The following OTUD7A variants were observed in gnomAD, a reference collection of about 807,000 sequenced individuals.
The protein encoded by OTUD7A is OTU domain-containing protein 7A.
In OTUD7A, 12 loss-of-function variants were observed where a neutral mutation model predicts 65.7. That is an observed-to-expected ratio of 0.18 (90% CI 0.12 to 0.30). The LOEUF (loss-of-function observed/expected upper bound fraction) is 0.30. Ranked by LOEUF, OTUD7A falls within the 10% of genes least tolerant of loss-of-function variation. The probability of loss-of-function intolerance (pLI) is 1.00; values close to 1 mark genes in which losing one functional copy is unlikely to be tolerated. For missense variants in OTUD7A, 1,148 were observed against 1,304.8 expected, an observed-to-expected ratio of 0.88 and a Z score of 1.85; for synonymous variants, 641 against 586.3, an observed-to-expected ratio of 1.09 and a Z score of -1.35.
intron 1 of OTUD7A, chr15:31,768,095 T>C (rs1186604106): frequency 1.3e-6 from 2 of 1,597,872 alleles, no homozygotes; most frequent in African/African-American, 2.7e-5. Context: ...TTTTTTAAAG[T>C]GTTGTCTGTG....
chr15:31,551,807 C>T (rs1344875040), intron 5 of OTUD7A, among the ~76,000 whole-genome samples: 6 of 151,668 alleles, frequency 4.0e-5, no homozygotes, highest in Non-Finnish European at 5.9e-5. Context: ...GTGCTTTGCA[C>T]GTGCTTCTGT....
intron 1 of OTUD7A, among the ~76,000 whole-genome samples, chr15:31,801,560 G>A (rs549962891): frequency 9.8e-5 from 15 of 152,334 alleles, no homozygotes; most frequent in African/African-American, 3.6e-4. Context: ...CATTTTTGGT[G>A]CAATAATAAC....
intron 3 of OTUD7A, among the ~76,000 whole-genome samples, chr15:31,586,038 A>G (rs1189575801): frequency 6.6e-5 from 10 of 152,248 alleles, no homozygotes; most frequent in Admixed American, 5.2e-4. Context: ...ATGGTCCCTC[A>G]GCAGGAATTC....
At chr15:31,528,157 T>C (rs141151594) in intron 6 of OTUD7A, among the ~76,000 whole-genome samples, 2 of 152,174 alleles carry the variant, frequency 1.3e-5, no homozygotes, top group Non-Finnish European at 2.9e-5. Context: ...AAGTGGGAAG[T>C]GAGGATAGCC....
At chr15:31,753,608 G>A (rs184793988) in intron 1 of OTUD7A, among the ~76,000 whole-genome samples, 2 of 149,098 alleles carry the variant, frequency 1.3e-5, no homozygotes, top group East Asian at 2.0e-4. Flanking sequence ...ATCTCATCCA[G>A]GTTGCTGCAA....
In OTUD7A at chr15:31,728,163, T is replaced by C. The variant is rs73376597; in HGVS notation, c.-99-71086A>G. ...GAATTGGCTTCTCCTCCAATTTTCC[T>C]GAGTTTAGTAAAAGTTCTTCCATCT... On this transcript the variant is annotated intron_variant, in intron 1 of 12. Transcript: ENST00000307050. Among the ~76,000 whole-genome samples, 1,044 of 152,348 alleles carry C rather than the reference T, an allele frequency of 6.9e-3. 15 individuals carry two copies. The highest frequency in any genetic ancestry group is 0.024 in the African/African-American group (989 of 41,576).
At chr15:31,824,034 G>A (rs969916536) in intron 1 of OTUD7A, among the ~76,000 whole-genome samples, 4 of 152,164 alleles carry the variant, frequency 2.6e-5, no homozygotes, top group Non-Finnish European at 5.9e-5. Flanking sequence ...TGGTTAGGTA[G>A]GCGAAAAGAC....
chr15:31,753,704 A>ATATATATATATATATTATATATATATAT (rs1555413874), intron 1 of OTUD7A, among the ~76,000 whole-genome samples: 5 of 15,294 alleles, frequency 3.3e-4, no homozygotes, highest in East Asian at 1.9e-3. Flanking sequence ...TATATATATT[A>ATATATATATATATATTATATATATATAT]TATATATATA....
At chr15:31,830,345 A>G (rs1208225751) in intron 1 of OTUD7A, among the ~76,000 whole-genome samples, 1 of 152,216 alleles carries the variant, frequency 6.6e-6, no homozygotes, top group Non-Finnish European at 1.5e-5. Flanking sequence ...AATATCTGCA[A>G]TACCAATGGA....
intron 1 of OTUD7A, among the ~76,000 whole-genome samples, chr15:31,779,330 G>A (rs989471460): frequency 5.9e-5 from 9 of 152,156 alleles, no homozygotes; most frequent in Admixed American, 2.6e-4. Context: ...TGAAAAGTAC[G>A]CTTCACTGAT....
chr15:31,679,666 A>G (rs1253502183), intron 1 of OTUD7A, among the ~76,000 whole-genome samples: 1 of 152,138 alleles, frequency 6.6e-6, no homozygotes. Context: ...ACGTTCCGCC[A>G]TGATTGTAAG....
At chr15:31,774,160 G>A (rs1426211520) in intron 1 of OTUD7A, among the ~76,000 whole-genome samples, 1 of 152,208 alleles carries the variant, frequency 6.6e-6, no homozygotes, top group East Asian at 1.9e-4. Flanking sequence ...ATGCATTCTG[G>A]AGTTGACGGC....
At chr15:31,848,645 G>A (rs114982817) in intron 1 of OTUD7A, among the ~76,000 whole-genome samples, 74 of 152,220 alleles carry the variant, frequency 4.9e-4, no homozygotes, top group African/African-American at 1.7e-3. Context: ...GAGATCATGT[G>A]CTCTTCCATA....
In OTUD7A at chr15:31,655,127, T is replaced by G. The variant is rs769507209; in HGVS notation, c.120A>C (p.Ala40=). 4 of 1,579,826 alleles carry G rather than the reference T, an allele frequency of 2.5e-6. No homozygotes were observed. In the South Asian group the frequency reaches 4.7e-5, roughly 19 times the overall value. ...GCAGGTCTCTGGCCAGACCAGGTTC[T>G]GCCCCCGTGGACCGAACAAAGTCTG... is the stretch of plus-strand genomic sequence containing the variant. The part of the protein sequence containing the change: ...VLSDFVRSTG[A]EPGLARDLLE... Residue 40 remains alanine (A), a synonymous_variant, in exon 3 of 13, where the codon GCA becomes GCC. Coordinates refer to ENST00000307050, the MANE Select transcript of OTUD7A (RefSeq NM_001382637.1).
chr15:31,731,629 T>C (rs1163285091), intron 1 of OTUD7A, among the ~76,000 whole-genome samples: 2 of 152,172 alleles, frequency 1.3e-5, no homozygotes, highest in Non-Finnish European at 2.9e-5. Context: ...GGTAGATGCA[T>C]GTCATTATAC....
chr15:31,565,153 G>T (rs1888825042), intron 4 of OTUD7A, among the ~76,000 whole-genome samples: 1 of 152,276 alleles, frequency 6.6e-6, no homozygotes, highest in African/African-American at 2.4e-5. Flanking sequence ...AATAATCCAA[G>T]ATATAGATTC....
At chr15:31,576,886 T>C (rs1889218390) in intron 3 of OTUD7A, among the ~76,000 whole-genome samples, 1 of 152,178 alleles carries the variant, frequency 6.6e-6, no homozygotes, top group African/African-American at 2.4e-5. Context: ...CCTGAAAAAC[T>C]GAATTCCTGG....
chr15:31,511,069 A>ATCTATATGTAACATACATATG lies in OTUD7A; in HGVS notation c.894-7252_894-7251insCATATGTATGTTACATATAGA, dbSNP rs1595569342. 2.8e-5 allele frequency among the ~76,000 whole-genome samples: 2 copies of ATCTATATGTAACATACATATG among 70,812 alleles called. 1 individual carries two copies. Among genetic ancestry groups the ATCTATATGTAACATACATATG allele is most frequent in the African/African-American group, 1.3e-4 (2 of 15,902 alleles). The allele number at this position is 70,812 out of a possible 152,430, so 46.5% of individuals were successfully genotyped here. ...GTATATCTATATGTAACATACATATATATGTATATCTATATGTAACATACA... is the reference window on the plus strand; with the variant it reads ...GTATATCTATATGTAACATACATATATCTATATGTAACATACATATGTATGTATATCTATATGTAACATACA... On this transcript the variant is annotated intron_variant, in intron 8 of 12. Transcript: ENST00000307050.
chr15:31,684,792 T>A (rs1180022963), intron 1 of OTUD7A, among the ~76,000 whole-genome samples: 1 of 148,604 alleles, frequency 6.7e-6, no homozygotes, highest in African/African-American at 2.5e-5. Flanking sequence ...CTGTATTTTG[T>A]TTATTAACAG....
Sources: allele counts gnomAD v4.1 joint callset (sites outside exome capture counted in the v4.1 genomes callset), GRCh38; gene constraint gnomAD v4.1.1; transcripts MANE v1.5; gene names NCBI Gene and HGNC (gene_info 2026-07-23, HGNC 2026-07-21).